FNIP1: variants seen among roughly 807,000 people sequenced by gnomAD.
FNIP1 encodes folliculin interacting protein 1.
A neutral mutation model predicts 124.5 loss-of-function variants in FNIP1; 40 were observed. The observed-to-expected ratio is 0.32, with a 90% CI of 0.25 to 0.42. The LOEUF (loss-of-function observed/expected upper bound fraction) is 0.42, where lower values mean the gene tolerates loss of function less well. Among genes scored for constraint, FNIP1 ranks in the 10% least tolerant of loss-of-function variants. The probability of loss-of-function intolerance (pLI) is 1.00; values close to 1 mark genes in which losing one functional copy is unlikely to be tolerated. For synonymous variants in FNIP1, 472 were observed against 470.6 expected (o/e 1.00, Z -0.04); for missense variants, 1,176 against 1,403.7 (o/e 0.84, Z 2.59).
chr5:131,784,518 T>G (rs1426633132), intron 1 of FNIP1, among the ~76,000 whole-genome samples: 2 of 152,108 alleles, frequency 1.3e-5, no homozygotes, highest in South Asian at 2.1e-4. Flanking sequence ...TATATTTAAT[T>G]TGTTTGAAAC....
At chr5:131,753,446 G>C (rs1008591198) in intron 1 of FNIP1, among the ~76,000 whole-genome samples, 3 of 152,006 alleles carry the variant, frequency 2.0e-5, no homozygotes, top group African/African-American at 7.3e-5. Flanking sequence ...CTGATCCCAC[G>C]GTAACAAAGA....
rs1767806528 is a variant in FNIP1, at chr5:131,672,889, A to T, written c.1555T>A (p.Leu519Ile). The T allele has an allele frequency of 4.4e-6, 7 of 1,586,620 alleles. No homozygotes were observed. The highest frequency in any genetic ancestry group is 6.0e-6 in the Non-Finnish European group (7 of 1,168,134). Reference protein sequence around the residue: ...LYGAIGSPVRLARTVVVGKRQ... With the variant: ...LYGAIGSPVRIARTVVVGKRQ... Reference sequence around the variant, plus strand: ...TTGCCAACTACCACAGTCCTTGCTAACCGTACGGGAGAGCCAATAGCGCCA... The same window carrying T: ...TTGCCAACTACCACAGTCCTTGCTATCCGTACGGGAGAGCCAATAGCGCCA... The change falls in exon 14 of 18, where the codon TTA becomes ATA. Residue 519 changes from leucine (L) to isoleucine (I), a missense_variant. Transcript: ENST00000510461.
chr5:131,767,322 G>A (rs1363811120), intron 1 of FNIP1, among the ~76,000 whole-genome samples: 5 of 150,616 alleles, frequency 3.3e-5, no homozygotes, highest in African/African-American at 7.3e-5. Flanking sequence ...CCAGCTACTC[G>A]GGAGGCTGAG....
chr5:131,752,466 A>T (rs1353732403), intron 1 of FNIP1, among the ~76,000 whole-genome samples: 2 of 152,030 alleles, frequency 1.3e-5, no homozygotes, highest in Non-Finnish European at 2.9e-5. Flanking sequence ...CTTAAACAAG[A>T]TACAAAAATT....
chr5:131,784,895 G>A (rs73254093), intron 1 of FNIP1, among the ~76,000 whole-genome samples: 265 of 148,080 alleles, frequency 1.8e-3, no homozygotes, highest in African/African-American at 6.2e-3. Flanking sequence ...AATTGAAAAA[G>A]CAGTTTGCCT....
chr5:131,673,193 G>A (rs1248363517), intron 13 of FNIP1, among the ~76,000 whole-genome samples: 2 of 151,398 alleles, frequency 1.3e-5, no homozygotes, highest in Non-Finnish European at 2.9e-5. Flanking sequence ...GACTATAAGC[G>A]CGTGCCACCA....
intron 11 of FNIP1, among the ~76,000 whole-genome samples, chr5:131,680,082 T>C (rs141895586): frequency 1.2e-3 from 181 of 152,314 alleles, no homozygotes; most frequent in African/African-American, 4.1e-3. Flanking sequence ...CCACTAGCTG[T>C]ATGTGGTTAC....
intron 11 of FNIP1, among the ~76,000 whole-genome samples, chr5:131,689,162 A>AG (rs1262779135): frequency 6.6e-6 from 1 of 151,584 alleles, no homozygotes; most frequent in Non-Finnish European, 1.5e-5. Context: ...CAAAAAAAAA[A>AG]AGAGACTGGA....
chr5:131,757,004 G>C (rs945712536), intron 1 of FNIP1, among the ~76,000 whole-genome samples: 2 of 152,162 alleles, frequency 1.3e-5, no homozygotes, highest in Admixed American at 1.3e-4. Context: ...GATTTTCTGA[G>C]CAGCCACAAT....
intron 3 of FNIP1, among the ~76,000 whole-genome samples, chr5:131,723,933 T>G (rs969268725): frequency 1.4e-5 from 2 of 147,342 alleles, no homozygotes; most frequent in Non-Finnish European, 3.0e-5. Context: ...ACTGTACAAC[T>G]CCCACTTATG....
Position 131,744,579 on chromosome 5 carries a change from C to T in FNIP1, c.204G>A (p.Glu68=), listed in dbSNP as rs758255013. 6.2e-7 allele frequency: 1 copy of T among 1,604,846 alleles called. No homozygotes were observed. The highest frequency in any genetic ancestry group is 2.3e-5 in the East Asian group (1 of 44,272). Residue 68 remains glutamate (E), a synonymous_variant, in exon 2 of 18, where the codon GAG becomes GAA. Coordinates refer to ENST00000510461, the MANE Select transcript of FNIP1 (RefSeq NM_133372.3). The stretch of plus-strand genomic sequence containing the variant: ...TGATGCTCACCGATACTGATATGTC[C>T]TCATTTCTTCTCTTAACACTGGAGT... ...LFDSSVKRRN[E]DISVSKLGSD... is the part of the protein sequence containing the mutation.
At chr5:131,663,216 T>G (rs2149510830) in intron 15 of FNIP1, among the ~76,000 whole-genome samples, 1 of 152,322 alleles carries the variant, frequency 6.6e-6, no homozygotes, top group South Asian at 2.1e-4. Flanking sequence ...AATAAAAGAT[T>G]TTAAAAGAAT....
intron 1 of FNIP1, among the ~76,000 whole-genome samples, chr5:131,769,547 T>C (rs1363669213): frequency 6.6e-6 from 1 of 152,184 alleles, no homozygotes; most frequent in Non-Finnish European, 1.5e-5. Context: ...CAATGAACCA[T>C]ATTTATCTGA....
rs556917724 is a variant in FNIP1 at position 131,769,951 on chromosome 5, C to G, written c.93-25261G>C. ...CCAATGTATGTATTTTTTAAGGATGCTTTAACTAAACAAGGTCTGGTCCAG... is the reference window on the plus strand; with the variant it reads ...CCAATGTATGTATTTTTTAAGGATGGTTTAACTAAACAAGGTCTGGTCCAG... On this transcript the variant is annotated intron_variant, in intron 1 of 17. Coordinates refer to ENST00000510461, the MANE Select transcript of FNIP1 (RefSeq NM_133372.3). Among the ~76,000 whole-genome samples the G allele has an allele frequency of 4.6e-5, 7 of 152,320 alleles. No homozygotes were observed. The South Asian group carries it at 1.2e-3, about 27-fold the overall frequency.
rs375138490 is a variant in FNIP1 at position 131,699,006 on chromosome 5, G to A, written c.1117-4C>T. 9 of 1,603,570 alleles carry A rather than the reference G, an allele frequency of 5.6e-6. No homozygotes were observed. The highest frequency in any genetic ancestry group is 2.7e-5 in the African/African-American group (2 of 74,398). ...ATCTCCGGCTCATTTTCATAGCCTT[G>A]AAAACAATCATTGAGATAGTTAATT... On this transcript the variant is annotated splice_region_variant and splice_polypyrimidine_tract_variant and intron_variant, in intron 10 of 17. Coordinates refer to ENST00000510461, the MANE Select transcript of FNIP1 (RefSeq NM_133372.3).
At position 131,692,542 on chromosome 5, in the gene FNIP1, C is replaced by T. The variant is rs1021475027; in HGVS notation, c.1202+6375G>A. Among the ~76,000 whole-genome samples the T allele has an allele frequency of 3.9e-5, 6 of 152,066 alleles. 1 individual carries two copies. The highest frequency in any genetic ancestry group is 3.9e-4 in the Admixed American group (6 of 15,258). On this transcript the variant is annotated intron_variant, in intron 11 of 17. Coordinates refer to ENST00000510461, the MANE Select transcript of FNIP1 (RefSeq NM_133372.3). ...TCTCAGCAAGTTATTTTGTGGACAT[C>T]TACAAACTGATGTTAAAGTTTATAT...
intron 1 of FNIP1, among the ~76,000 whole-genome samples, chr5:131,768,683 C>T (rs541085738): frequency 1.3e-5 from 2 of 152,218 alleles, no homozygotes; most frequent in African/African-American, 4.8e-5. Context: ...AATGTAATCC[C>T]AGCTACTCGG....
At position 131,699,799 on chromosome 5, in the gene FNIP1, C is replaced by G. The variant is rs1244729824; in HGVS notation, c.1117-797G>C. Among the ~76,000 whole-genome samples, 4 of 150,404 alleles carry G rather than the reference C, an allele frequency of 2.7e-5. No individual in the cohort carries two copies. In the South Asian group the frequency reaches 8.4e-4, roughly 31 times the overall value. On this transcript the variant is annotated intron_variant, in intron 10 of 17. Coordinates refer to ENST00000510461, the MANE Select transcript of FNIP1 (RefSeq NM_133372.3). ...GGTGTGTTGACACACGCCTGTAATC[C>G]CAGCTATGAAAGAGGCTGAGGCATG... is the stretch of plus-strand genomic sequence containing the variant.
At chr5:131,743,012 G>GT (rs911602061) in intron 2 of FNIP1, among the ~76,000 whole-genome samples, 2 of 152,066 alleles carry the variant, frequency 1.3e-5, no homozygotes, top group Non-Finnish European at 2.9e-5. Context: ...TTACTTTAAG[G>GT]TTTTTTTCCC....
Sources: allele counts gnomAD v4.1 joint callset (sites outside exome capture counted in the v4.1 genomes callset), GRCh38; gene constraint gnomAD v4.1.1; transcripts MANE v1.5; gene names NCBI Gene and HGNC (gene_info 2026-07-23, HGNC 2026-07-21).